TKFC: variants seen among roughly 807,000 people sequenced by gnomAD.
TKFC encodes triokinase and FMN cyclase, also known as triokinase/FMN cyclase.
In TKFC, 46 loss-of-function variants were observed where a neutral mutation model predicts 61.0. The ratio of observed to expected loss-of-function variants is 0.75; its 90% CI spans 0.60 to 0.96. The LOEUF (loss-of-function observed/expected upper bound fraction) is 0.96. Ranked by LOEUF, TKFC falls within the 50% of genes least tolerant of loss-of-function variation. TKFC has a pLI of 0.00. For synonymous variants in TKFC, 314 were observed against 330.1 expected, an observed-to-expected ratio of 0.95 and a Z score of 0.53; for missense variants, 715 against 777.5, an observed-to-expected ratio of 0.92 and a Z score of 0.96.
At chr11:61,345,078 G>A (rs1320204207) in intron 13 of TKFC, among the ~76,000 whole-genome samples, 182 bp from the exon 14 acceptor site, 1 of 152,228 alleles carries the variant, frequency 6.6e-6, no homozygotes. Flanking sequence ...CACCTCCCCA[G>A]GCCCCTTTCG....
chr11:61,334,861 G>A, intron 2 of TKFC, 130 bp downstream of exon 2: 1 of 1,367,722 alleles, frequency 7.3e-7, no homozygotes, highest in South Asian at 1.2e-5. Context: ...CGGGTGAAGA[G>A]AGAGGGTCAT....
chr11:61,347,349 C>A lies in TKFC; in HGVS notation c.*846C>A, dbSNP rs1857179251. 1.1e-6 allele frequency: 1 copy of A among 912,868 alleles called. No homozygotes were observed. Among genetic ancestry groups the A allele is most frequent in the Non-Finnish European group, 1.3e-6 (1 of 763,920 alleles). The allele number at this position is 912,868 out of a possible 1,614,324, so 56.5% of individuals were successfully genotyped here. ...TTACACTCAGGAGTTCAAGACCAGT[C>A]TGGGCAACATGGTAAAACCCTGTCT... On this transcript the variant is annotated 3_prime_UTR_variant, in exon 18 of 18. Transcript: ENST00000394900.
chr11:61,348,364 A>C lies in TKFC; in HGVS notation c.*1861A>C, dbSNP rs982359039. ...TCCATGAAGACAGAGGATCATGTGG[A>C]TCTTTGGTGCCTTCCGGTTGGCCCC... On this transcript the variant is annotated 3_prime_UTR_variant, in exon 18 of 18. Coordinates refer to ENST00000394900, the MANE Select transcript of TKFC (RefSeq NM_015533.4). The C allele has an allele frequency of 2.0e-6, 2 of 984,840 alleles. No homozygotes were observed. Among genetic ancestry groups the C allele is most frequent in the South Asian group, 4.7e-5 (1 of 21,264 alleles). 61.0% of individuals were successfully genotyped at this position (984,840 alleles called of 1,614,324 possible).
chr11:61,339,520 A>T (rs979604198), intron 5 of TKFC, 85 bp downstream of exon 5: 1 of 1,427,296 alleles, frequency 7.0e-7, no homozygotes, highest in East Asian at 2.3e-5. Flanking sequence ...GGACCTTTCC[A>T]GCCCTTCCCC....
chr11:61,345,153 C>T (rs946547283), intron 13 of TKFC, 107 bp from the exon 14 acceptor site: 2 of 920,742 alleles, frequency 2.2e-6, no homozygotes, highest in Non-Finnish European at 3.2e-6. Context: ...GGGAAGCCTT[C>T]ATTCCACTTC....
chr11:61,346,819 A>G lies in TKFC; in HGVS notation c.*316A>G. 1 of 1,114,088 alleles carries G rather than the reference A, an allele frequency of 9.0e-7. No individual in the cohort carries two copies. The allele number at this position is 1,114,088 out of a possible 1,614,324, so 69.0% of individuals were successfully genotyped here. A position where few individuals can be genotyped will look rare whatever the true frequency, so the allele number is the denominator to read the frequency against. ...TTCCTTGTGCAGCCTTTACCTGGCA[A>G]TCCTAATTTGGTTTTAAGACTCCCT... On this transcript the variant is annotated 3_prime_UTR_variant, in exon 18 of 18. Transcript: ENST00000394900. The surrounding 1 kb of genome is among the most constrained non-coding windows in gnomAD (Gnocchi z 4.1).
chr11:61,338,038 AC>A lies in TKFC; in HGVS notation c.103del (p.Arg35AlafsTer33). 1 of 1,610,908 alleles carries A rather than the reference AC, an allele frequency of 6.2e-7. No homozygotes were observed. On this transcript the variant is annotated frameshift_variant, in exon 3 of 18. Coordinates refer to ENST00000394900, the MANE Select transcript of TKFC (RefSeq NM_015533.4). ...CNPNLQLLQG[H>X]RVALRSDLDS... ...CCCAACCTGCAGCTCCTGCAGGGCC[AC>A]CGCGTGGCCCTCCGTTCTGACCTGG...
chr11:61,351,140 T>A, downstream of TKFC: 3 of 1,606,878 alleles, frequency 1.9e-6, no homozygotes, highest in Non-Finnish European at 2.5e-6. Context: ...GGCCTGGTGG[T>A]GTTTTTCCTG....
chr11:61,334,544 T>A (rs1043058425), intron 1 of TKFC, 76 bp from the exon 2 acceptor site: 30 of 677,482 alleles, frequency 4.4e-5, no homozygotes, highest in Non-Finnish European at 6.9e-5. Flanking sequence ...CCCTAATTAC[T>A]AGGGTGCTGA....
downstream of TKFC, chr11:61,352,963 T>G: frequency 6.2e-7 from 1 of 1,614,016 alleles, no homozygotes; most frequent in South Asian, 1.1e-5. Context: ...CACCTTAGAG[T>G]TGGGGACCCC....
chr11:61,335,037 C>T (rs1437024089), intron 2 of TKFC, among the ~76,000 whole-genome samples: 1 of 152,160 alleles, frequency 6.6e-6, no homozygotes, highest in East Asian at 1.9e-4. Flanking sequence ...CTGTAATAGA[C>T]ATTGTACCGG....
chr11:61,338,992 G>T, intron 3 of TKFC, 74 bp from the exon 4 acceptor site: 1 of 1,316,276 alleles, frequency 7.6e-7, no homozygotes, highest in Non-Finnish European at 1.1e-6. Flanking sequence ...CATGACCCCC[G>T]GAGTGTGGGA....
chr11:61,338,886 C>T (rs939130732), intron 3 of TKFC, among the ~76,000 whole-genome samples, 180 bp from the exon 4 acceptor site: 7 of 152,162 alleles, frequency 4.6e-5, no homozygotes, highest in South Asian at 2.1e-4. Flanking sequence ...TGGGAGGTCA[C>T]AGAAGGCCTC....
At chr11:61,343,505 T>C in intron 11 of TKFC, 47 bp downstream of exon 11, 1 of 1,561,276 alleles carries the variant, frequency 6.4e-7, no homozygotes. Context: ...TCCTTGTAAC[T>C]GGAAGGAGCC....
chr11:61,347,430 T>G lies in TKFC; in HGVS notation c.*927T>G. ...AGTAGTGTGTGCCTATAGTCCTAAC[T>G]TGGGAGGCTGAGTTGGGAGGATGGC... On this transcript the variant is annotated 3_prime_UTR_variant, in exon 18 of 18. Transcript: ENST00000394900. 1 of 918,828 alleles carries G rather than the reference T, an allele frequency of 1.1e-6. No homozygotes were observed. Among genetic ancestry groups the G allele is most frequent in the Non-Finnish European group, 1.3e-6 (1 of 769,652 alleles). 56.9% of individuals were successfully genotyped at this position (918,828 alleles called of 1,614,324 possible).
rs1856903111 is a variant in TKFC, at chr11:61,342,491, T to C, written c.686T>C (p.Ile229Thr). ...CACGGGGAAGCTGGTGTGCGCCGGATAAAGGTAGGTGGTCCCTCTGGCACA... is the reference window on the plus strand; with the variant it reads ...CACGGGGAAGCTGGTGTGCGCCGGACAAAGGTAGGTGGTCCCTCTGGCACA... ...GIHGEAGVRR[I>T]KMATADEIVK... Residue 229 changes from isoleucine to threonine, a missense_variant, in exon 8 of 18, where the codon ATA becomes ACA. Transcript: ENST00000394900. 7 of 1,613,880 alleles carry C rather than the reference T, an allele frequency of 4.3e-6. No individual in the cohort carries two copies. Among genetic ancestry groups the C allele is most frequent in the Non-Finnish European group, 5.9e-6 (7 of 1,180,008 alleles).
chr11:61,348,629 T>C lies in TKFC; in HGVS notation c.*2126T>C. 4.7e-6 allele frequency: 2 copies of C among 428,696 alleles called. No individual in the cohort carries two copies. Among genetic ancestry groups the C allele is most frequent in the Non-Finnish European group, 3.1e-6 (1 of 320,906 alleles). The allele number at this position is 428,696 out of a possible 1,614,324, so 26.6% of individuals were successfully genotyped here. ...GAGAGCTCTCACGCCCTTTCCACCA[T>C]GTGAGGTTATGGTGAGAAGATGGTC... On this transcript the variant is annotated 3_prime_UTR_variant, in exon 18 of 18. Coordinates refer to ENST00000394900, the MANE Select transcript of TKFC (RefSeq NM_015533.4).
chr11:61,349,570 T>C, downstream of TKFC: 1 of 702,946 alleles, frequency 1.4e-6, no homozygotes, highest in Non-Finnish European at 2.6e-6. Flanking sequence ...CCAGGATTTG[T>C]AGGGCTGCCT....
Position 61,345,763 on chromosome 11 carries a change from G to A in TKFC, c.1485+18G>A. The A allele has an allele frequency of 1.2e-6, 2 of 1,614,230 alleles. No individual in the cohort carries two copies. The highest frequency in any genetic ancestry group is 1.6e-4 in the Middle Eastern group (1 of 6,062). ...GGACTATGGTATGTACTCAGGCTGT[G>A]GCCTCAGACCTTTCTCCTTTTGGCC... is the stretch of plus-strand genomic sequence containing the variant. On this transcript the variant is annotated intron_variant, in intron 16 of 17. Transcript: ENST00000394900.
Sources: gnomAD v4.1 joint callset for allele counts (sites outside exome capture counted in the v4.1 genomes callset) on GRCh38, gnomAD v4.1.1 for gene constraint, Gnocchi (gnomAD v3.1) non-coding constraint, MANE v1.5 for transcripts, NCBI Gene and HGNC (gene_info 2026-07-23, HGNC 2026-07-21) for gene names.